Variants in MYO16 observed in about 807,000 individuals in gnomAD.
MYO16 encodes myosin XVI.
In MYO16, 94 loss-of-function variants were observed where a neutral mutation model predicts 205.3. That is an observed-to-expected ratio of 0.46 (90% confidence interval 0.39 to 0.54). The LOEUF (loss-of-function observed/expected upper bound fraction) is 0.54. Among genes scored for constraint, MYO16 ranks in the 20% least tolerant of loss-of-function variants. The probability of loss-of-function intolerance (pLI) is 0.00; values close to 1 mark genes in which losing one functional copy is unlikely to be tolerated. For synonymous variants in MYO16, 988 were observed against 954.0 expected (o/e 1.04, Z -0.66); for missense variants, 2,315 against 2,387.5 (o/e 0.97, Z 0.63).
At chr13:108,961,091 A>C (rs1359514474) in intron 17 of MYO16, among the ~76,000 whole-genome samples, 1 of 152,204 alleles carries the variant, frequency 6.6e-6, no homozygotes, top group Non-Finnish European at 1.5e-5. Context: ...GAAGAAATGA[A>C]CACCATGATG....
At position 108,829,503 on chromosome 13, in the gene MYO16, T is replaced by C. The variant is rs546527641; in HGVS notation, c.1097+6225T>C. On this transcript the variant is annotated intron_variant, in intron 9 of 34. Transcript: ENST00000457511. ...TTTCTAAGCAGCTGGAAAGAACATC[T>C]AATATCATAAAAAACCAGCTTTGGT... Among the ~76,000 whole-genome samples the C allele has an allele frequency of 9.1e-4, 138 of 152,292 alleles. 1 individual carries two copies. Among genetic ancestry groups the C allele is most frequent in the African/African-American group, 3.3e-3 (136 of 41,564 alleles).
chr13:108,772,366 A>G (rs1205421289), intron 4 of MYO16, among the ~76,000 whole-genome samples: 3 of 151,920 alleles, frequency 2.0e-5, no homozygotes, highest in Admixed American at 2.0e-4. Context: ...AAGAAAAAAG[A>G]AAAGAAAAGA....
chr13:108,534,977 CTT>C, the MYO16 span, among the ~76,000 whole-genome samples: 2 of 147,764 alleles, frequency 1.4e-5, no homozygotes, highest in Non-Finnish European at 3.0e-5. Context: ...TTCTTCTCCT[CTT>C]TCTTCTCTCC....
chr13:109,126,839 G>T (rs574527978), intron 30 of MYO16, among the ~76,000 whole-genome samples: 1 of 152,238 alleles, frequency 6.6e-6, no homozygotes, highest in Non-Finnish European at 1.5e-5. Context: ...CTTGCGAGGG[G>T]AAATGGTGAT....
chr13:108,917,444 G>A (rs1881545340), intron 16 of MYO16, among the ~76,000 whole-genome samples: 1 of 152,236 alleles, frequency 6.6e-6, no homozygotes, highest in Non-Finnish European at 1.5e-5. Flanking sequence ...CCCGGCAGGT[G>A]AAGGTCAGAA....
At chr13:108,995,163 A>G (rs747659266) in intron 21 of MYO16, among the ~76,000 whole-genome samples, 2 of 152,192 alleles carry the variant, frequency 1.3e-5, no homozygotes, top group Non-Finnish European at 2.9e-5. Flanking sequence ...AGGCCAGGAA[A>G]TGTAAGATCA....
chr13:108,731,740 T>C (rs1449800232), intron 4 of MYO16, among the ~76,000 whole-genome samples: 1 of 152,228 alleles, frequency 6.6e-6, no homozygotes, highest in Non-Finnish European at 1.5e-5. Context: ...ACTTAATTAA[T>C]ATAAATTATC....
the MYO16 span, among the ~76,000 whole-genome samples, chr13:108,531,020 T>C: frequency 1.3e-5 from 2 of 152,184 alleles, no homozygotes; most frequent in Non-Finnish European, 2.9e-5. Flanking sequence ...TGCATTTAGG[T>C]TTAGAAAGTA....
intron 2 of MYO16, among the ~76,000 whole-genome samples, chr13:108,698,346 A>C (rs1009348493): frequency 2.4e-4 from 36 of 152,326 alleles, no homozygotes; most frequent in African/African-American, 8.7e-4. Flanking sequence ...AATAAATGAG[A>C]TAAATAAAAC....
chr13:108,869,835 G>A (rs1323925186), intron 12 of MYO16, among the ~76,000 whole-genome samples: 3 of 148,546 alleles, frequency 2.0e-5, no homozygotes, highest in Non-Finnish European at 4.5e-5. Flanking sequence ...TATCTAGTGT[G>A]TTTTAAAAAT....
At chr13:109,041,861 C>CT (rs3042905) in intron 23 of MYO16, among the ~76,000 whole-genome samples, 21 of 144,026 alleles carry the variant, frequency 1.5e-4, no homozygotes, top group East Asian at 1.2e-3. Context: ...TTCAAATTGC[C>CT]TTTTTTTTTT....
At chr13:108,603,280 C>G (rs953937669) in intron 1 of MYO16, among the ~76,000 whole-genome samples, 1 of 152,054 alleles carries the variant, frequency 6.6e-6, no homozygotes, top group African/African-American at 2.4e-5. Context: ...ATGTTTTGAT[C>G]AATCTTGGAG....
intron 20 of MYO16, among the ~76,000 whole-genome samples, chr13:108,968,124 A>T (rs1205630617): frequency 6.6e-6 from 1 of 152,188 alleles, no homozygotes; most frequent in East Asian, 1.9e-4. Context: ...TCCCGCACAC[A>T]GACAGAGCGT....
At chr13:109,128,591 CT>C (rs112890431) in intron 31 of MYO16, among the ~76,000 whole-genome samples, 48 of 143,886 alleles carry the variant, frequency 3.3e-4, no homozygotes, top group African/African-American at 6.1e-4. Context: ...TAGCCAACTT[CT>C]TTTTTTTTTT....
intron 27 of MYO16, among the ~76,000 whole-genome samples, chr13:109,087,998 A>G (rs963775481): frequency 2.0e-5 from 3 of 152,254 alleles, no homozygotes; most frequent in African/African-American, 7.2e-5. Flanking sequence ...GAATTATAAA[A>G]TGCATGAAGG....
intron 33 of MYO16, among the ~76,000 whole-genome samples, chr13:109,168,462 G>A (rs1285055935): frequency 1.3e-5 from 2 of 152,154 alleles, no homozygotes; most frequent in African/African-American, 4.8e-5. Flanking sequence ...GGTGGCTCAC[G>A]CCTGCAATCC....
At chr13:108,586,310 C>G in the MYO16 span, among the ~76,000 whole-genome samples, 5 of 151,934 alleles carry the variant, frequency 3.3e-5, no homozygotes, top group Non-Finnish European at 5.9e-5. Flanking sequence ...GGAGAAATCA[C>G]CTTTATGTAT....
the MYO16 span, among the ~76,000 whole-genome samples, chr13:108,561,833 CA>C: frequency 2.4e-4 from 37 of 152,258 alleles, no homozygotes; most frequent in East Asian, 6.6e-3. Flanking sequence ...TCTCTTGCTA[CA>C]AAGTCTTTCT....
At chr13:109,024,258 G>A (rs1886286739) in intron 23 of MYO16, among the ~76,000 whole-genome samples, 2 of 151,526 alleles carry the variant, frequency 1.3e-5, no homozygotes, top group South Asian at 4.2e-4. Flanking sequence ...AATTCATAGG[G>A]AGTATTTTAC....
Sources: gnomAD v4.1 joint callset for allele counts (sites outside exome capture counted in the v4.1 genomes callset) on GRCh38, gnomAD v4.1.1 for gene constraint, MANE v1.5 for transcripts, NCBI Gene and HGNC (gene_info 2026-07-23, HGNC 2026-07-21) for gene names.